The following PCDHA4 variants were observed in gnomAD, a reference collection of about 807,000 sequenced individuals.
PCDHA4 encodes protocadherin alpha 4.
In PCDHA4, 49 loss-of-function variants were observed where a neutral mutation model predicts 61.4. The ratio of observed to expected loss-of-function variants is 0.80; its 90% CI spans 0.63 to 1.01. PCDHA4 has a LOEUF of 1.01. PCDHA4 is among the 50% of genes least tolerant of loss of function. The pLI, the probability that PCDHA4 is intolerant of heterozygous loss-of-function variation, is 0.00. For missense variants in PCDHA4, 1,254 were observed against 1,235.8 expected (o/e 1.01, Z -0.22); for synonymous variants, 590 against 550.3 (o/e 1.07, Z -1.01).
intron 1 of PCDHA4, chr5:140,836,860 A>G: frequency 1.3e-6 from 1 of 774,528 alleles, no homozygotes; most frequent in East Asian, 2.8e-5. Context: ...TTATTTTTTA[A>G]TGTTATGCTG....
intron 1 of PCDHA4, chr5:140,928,085 T>G: frequency 1.9e-6 from 3 of 1,614,236 alleles, no homozygotes; most frequent in Non-Finnish European, 8.5e-7. Flanking sequence ...TACAGCCTGC[T>G]GATTGATGGG....
intron 1 of PCDHA4, chr5:140,836,765 A>G (rs200916074): frequency 3.4e-5 from 53 of 1,563,040 alleles, no homozygotes; most frequent in Middle Eastern, 1.7e-4. Context: ...CTTGTTTCCA[A>G]CAATTTTAAA....
Position 140,807,470 on chromosome 5 carries a change from C to T in PCDHA4, c.283C>T (p.Leu95=). Residue 95 remains leucine (L), a synonymous_variant, in exon 1 of 4, where the codon CTG becomes TTG. Coordinates refer to ENST00000530339, the MANE Select transcript of PCDHA4 (RefSeq NM_018907.4). ...FVNSRIDREE[L]CRRSAECSIH... is the part of the protein sequence containing the mutation. ...GAATTCTCGGATCGACCGGGAGGAG[C>T]TGTGCCGGCGGAGCGCGGAGTGCAG... The T allele has an allele frequency of 6.2e-7, 1 of 1,612,788 alleles. No individual in the cohort carries two copies. Among genetic ancestry groups the T allele is most frequent in the South Asian group, 1.1e-5 (1 of 90,976 alleles).
intron 1 of PCDHA4, chr5:140,842,872 G>A (rs1554139490): frequency 4.4e-6 from 7 of 1,594,088 alleles, no homozygotes; most frequent in Middle Eastern, 2.1e-4. Context: ...GCGGCAAGGT[G>A]TACGCGCTGC....
intron 1 of PCDHA4, among the ~76,000 whole-genome samples, chr5:140,913,380 T>C (rs1436602497): frequency 6.6e-6 from 1 of 152,226 alleles, no homozygotes; most frequent in Non-Finnish European, 1.5e-5. Context: ...ATATAGTGGC[T>C]CATCATAGCC....
chr5:140,945,659 G>C (rs2093824580), intron 1 of PCDHA4, among the ~76,000 whole-genome samples: 1 of 152,090 alleles, frequency 6.6e-6, no homozygotes, highest in Non-Finnish European at 1.5e-5. Context: ...GCAGAATACA[G>C]CTCCCAGAAA....
chr5:141,005,814 A>G (rs947359019), intron 3 of PCDHA4, among the ~76,000 whole-genome samples: 1 of 149,766 alleles, frequency 6.7e-6, no homozygotes, highest in Non-Finnish European at 1.5e-5. Context: ...GGAGCCAGGT[A>G]TGGTGGCCTG....
intron 1 of PCDHA4, among the ~76,000 whole-genome samples, chr5:140,902,264 C>G (rs1187258512): frequency 6.8e-6 from 1 of 147,240 alleles, no homozygotes; most frequent in Admixed American, 6.9e-5. Context: ...TCTCGAACTC[C>G]TGGGCTCAAG....
chr5:140,855,663 AC>A (rs1363800553), intron 1 of PCDHA4, among the ~76,000 whole-genome samples: 7 of 149,864 alleles, frequency 4.7e-5, no homozygotes, highest in Non-Finnish European at 1.0e-4. Flanking sequence ...GGAAGAAATC[AC>A]TACTCTGAGA....
In PCDHA4 at chr5:140,843,348, C is replaced by T; in HGVS notation, c.2385+33776C>T. The T allele has an allele frequency of 1.9e-6, 3 of 1,596,106 alleles. No homozygotes were observed. The South Asian group carries it at 3.3e-5, about 18-fold the overall frequency. On this transcript the variant is annotated intron_variant, in intron 1 of 3. Transcript: ENST00000530339. ...TCGCTGGTGGAGAGCGGCCAGGCTC[C>T]AAAAGCGTCATCGAGGCAGTCGGCT...
At position 140,822,821 on chromosome 5, in the gene PCDHA4, T is replaced by C. The variant is rs2150119660; in HGVS notation, c.2385+13249T>C. On this transcript the variant is annotated intron_variant, in intron 1 of 3. Coordinates refer to ENST00000530339, the MANE Select transcript of PCDHA4 (RefSeq NM_018907.4). ...GATGTGAATGATAATACCCCAGAGATGGCCATAACCACCCTTTTCCTGCCT... is the reference window on the plus strand; with the variant it reads ...GATGTGAATGATAATACCCCAGAGACGGCCATAACCACCCTTTTCCTGCCT... 4.3e-6 allele frequency: 7 copies of C among 1,614,038 alleles called. No homozygotes were observed. In the African/African-American group the frequency reaches 5.3e-5, roughly 12 times the overall value.
intron 1 of PCDHA4, chr5:140,835,919 G>T (rs2150248357): frequency 2.5e-6 from 4 of 1,612,404 alleles, no homozygotes; most frequent in Admixed American, 3.3e-5. Context: ...CAGTGCACGC[G>T]GAGAGCGGCA....
In PCDHA4 at chr5:140,883,730, G is replaced by A. The variant is rs140457638; in HGVS notation, c.2385+74158G>A. On this transcript the variant is annotated intron_variant, in intron 1 of 3. Transcript: ENST00000530339. ...TCAGGACGCGGACGCACAGGAGAAC[G>A]CGCTGGTCTCCTACTCGCTGGTGGA... The A allele has an allele frequency of 3.7e-6, 6 of 1,613,412 alleles. No individual in the cohort carries two copies. In the African/African-American group the frequency reaches 6.7e-5, roughly 18 times the overall value.
intron 2 of PCDHA4, 29 bp downstream of exon 2, chr5:140,979,036 A>G: frequency 6.2e-7 from 1 of 1,613,064 alleles, no homozygotes. Context: ...ATTCACTCAG[A>G]AGTAACCTTA....
intron 1 of PCDHA4, chr5:140,812,700 C>T (rs2126641059): frequency 2.0e-5 from 3 of 152,208 alleles, no homozygotes; most frequent in Non-Finnish European, 2.9e-5. Flanking sequence ...TGCAAGTGAT[C>T]CTTGTGCCTT....
intron 1 of PCDHA4, among the ~76,000 whole-genome samples, chr5:140,894,188 A>AT (rs1157134749): frequency 1.1e-4 from 17 of 152,072 alleles, no homozygotes; most frequent in African/African-American, 4.1e-4. Flanking sequence ...ATAGTTATAT[A>AT]TTTTTTCTAT....
At chr5:140,881,335 C>A in intron 1 of PCDHA4, 1 of 984,916 alleles carries the variant, frequency 1.0e-6, no homozygotes, top group Non-Finnish European at 1.2e-6. Context: ...ACCAGGACGC[C>A]GATTCGGGCT....
At chr5:140,896,946 T>A (rs2065814718) in intron 1 of PCDHA4, among the ~76,000 whole-genome samples, 1 of 152,134 alleles carries the variant, frequency 6.6e-6, no homozygotes, top group Non-Finnish European at 1.5e-5. Context: ...GGAATGGCCA[T>A]TCCCTTAAAC....
chr5:140,896,389 G>C (rs2065520134), intron 1 of PCDHA4, among the ~76,000 whole-genome samples: 1 of 152,124 alleles, frequency 6.6e-6, no homozygotes, highest in East Asian at 1.9e-4. Flanking sequence ...AACCTCACCA[G>C]CATCTGTTAT....
Sources: allele counts gnomAD v4.1 joint callset (sites outside exome capture counted in the v4.1 genomes callset), GRCh38; gene constraint gnomAD v4.1.1; transcripts MANE v1.5; gene names NCBI Gene and HGNC (gene_info 2026-07-23, HGNC 2026-07-21).